Variants in NALF1 observed in about 807,000 individuals in gnomAD.
The protein encoded by NALF1 is NALCN channel auxiliary factor 1, also known as family with sequence similarity 155 member A.
In NALF1, 3 loss-of-function variants were observed where a neutral mutation model predicts 48.4. That is an observed-to-expected ratio of 0.06 (90% CI 0.03 to 0.16). The LOEUF is 0.16. Among genes scored for constraint, NALF1 ranks in the 10% least tolerant of loss-of-function variants. NALF1 has a pLI of 1.00. For missense variants in NALF1, 526 were observed against 571.5 expected, an observed-to-expected ratio of 0.92 and a Z score of 0.81; for synonymous variants, 262 against 245.7, an observed-to-expected ratio of 1.07 and a Z score of -0.62.
chr13:107,448,651 G>A (rs16970142), intron 1 of NALF1, among the ~76,000 whole-genome samples: 2,970 of 152,216 alleles, frequency 0.02, 102 homozygotes, highest in African/African-American at 0.068. Context: ...CATACAATGA[G>A]CAACTACTAT....
intron 1 of NALF1, among the ~76,000 whole-genome samples, chr13:107,301,221 G>C (rs1445915913): frequency 6.6e-6 from 1 of 152,088 alleles, no homozygotes; most frequent in African/African-American, 2.4e-5. Flanking sequence ...CTGTATTCCA[G>C]ATATAGCCTG....
At chr13:107,644,816 AACCACC>A (rs1240904412) in intron 1 of NALF1, among the ~76,000 whole-genome samples, 2 of 151,914 alleles carry the variant, frequency 1.3e-5, no homozygotes, top group Admixed American at 1.3e-4. Flanking sequence ...ACACCTCTGG[AACCACC>A]ACCCAGATCA....
intron 1 of NALF1, among the ~76,000 whole-genome samples, chr13:107,825,434 C>T (rs1879486839): frequency 6.6e-6 from 1 of 152,058 alleles, no homozygotes; most frequent in African/African-American, 2.4e-5. Context: ...TTTTAAAGAA[C>T]GGATGCATAA....
At chr13:107,371,444 T>C (rs1458870949) in intron 1 of NALF1, among the ~76,000 whole-genome samples, 2 of 135,820 alleles carry the variant, frequency 1.5e-5, no homozygotes, top group Non-Finnish European at 3.2e-5. Flanking sequence ...AGACCCTGTC[T>C]AAAAAATAAA....
chr13:107,643,618 G>C (rs1414541657), intron 1 of NALF1, among the ~76,000 whole-genome samples: 4 of 151,902 alleles, frequency 2.6e-5, no homozygotes, highest in African/African-American at 9.7e-5. Context: ...AAATAAAGGG[G>C]GAGGATTATT....
chr13:107,270,306 T>G (rs1881135002), intron 1 of NALF1, among the ~76,000 whole-genome samples: 1 of 152,144 alleles, frequency 6.6e-6, no homozygotes, highest in Non-Finnish European at 1.5e-5. Flanking sequence ...ATCTCATTTA[T>G]CAAGGCAATA....
At chr13:107,204,978 AT>A (rs1435064186) in intron 2 of NALF1, among the ~76,000 whole-genome samples, 1 of 151,634 alleles carries the variant, frequency 6.6e-6, no homozygotes, top group Non-Finnish European at 1.5e-5. Flanking sequence ...TTCTACTGAA[AT>A]TTTCCTCTAA....
chr13:107,498,089 T>C (rs1875397703), intron 1 of NALF1, among the ~76,000 whole-genome samples: 1 of 152,156 alleles, frequency 6.6e-6, no homozygotes, highest in African/African-American at 2.4e-5. Context: ...GATGAAATAT[T>C]GATTATCTAA....
chr13:107,636,348 C>G (rs111802257), intron 1 of NALF1, among the ~76,000 whole-genome samples: 126 of 152,196 alleles, frequency 8.3e-4, no homozygotes, highest in African/African-American at 2.8e-3. Flanking sequence ...TTAAAACAAA[C>G]ACAAATCGTT....
At chr13:107,312,395 G>A (rs1231099154) in intron 1 of NALF1, among the ~76,000 whole-genome samples, 1 of 151,988 alleles carries the variant, frequency 6.6e-6, no homozygotes, top group Non-Finnish European at 1.5e-5. Flanking sequence ...ACACAGGAAG[G>A]GGAACATCAC....
intron 1 of NALF1, among the ~76,000 whole-genome samples, chr13:107,313,671 T>C (rs529856651): frequency 1.8e-4 from 27 of 152,290 alleles, no homozygotes; most frequent in Admixed American, 3.9e-4. Context: ...AATATGCTTA[T>C]GTAAAAATGT....
In NALF1 at chr13:107,866,501, G is replaced by A; in HGVS notation, c.96C>T (p.Ser32=). The A allele has an allele frequency of 6.2e-7, 1 of 1,614,020 alleles. No individual in the cohort carries two copies. The highest frequency in any genetic ancestry group is 8.5e-7 in the Non-Finnish European group (1 of 1,180,020). The change falls in exon 1 of 3, where the codon TCC becomes TCT. Residue 32 remains serine, a synonymous_variant. Coordinates refer to ENST00000375915, the MANE Select transcript of NALF1 (RefSeq NM_001080396.3). This position sits in a 1 kb window ranked among gnomAD's most constrained non-coding sequence, Gnocchi z 4.4. ...ACAGTCGCCATTTCTGAGCCCTCTC[G>A]GAATCGATGAACGGTTTCTCGTTCT... is the stretch of plus-strand genomic sequence containing the variant. ...PRENEKPFID[S]ERAQKWRLSL...
In NALF1 at chr13:107,415,711, A is replaced by G. The variant is rs1286480292; in HGVS notation, c.916-204956T>C. On this transcript the variant is annotated intron_variant, in intron 1 of 2. Coordinates refer to ENST00000375915, the MANE Select transcript of NALF1 (RefSeq NM_001080396.3). ...GTTATCTGTCCTCTAGCTGTAAATA[A>G]ATAAGAAATTGGATAACCAATTTTG... 2.0e-5 allele frequency among the ~76,000 whole-genome samples: 3 copies of G among 152,314 alleles called. No homozygotes were observed. The East Asian group carries it at 5.8e-4, about 29-fold the overall frequency.
At chr13:107,325,889 C>CATATATATAT (rs71286085) in intron 1 of NALF1, among the ~76,000 whole-genome samples, 85 of 78,946 alleles carry the variant, frequency 1.1e-3, no homozygotes, top group Non-Finnish European at 1.8e-3. Context: ...TATATATATA[C>CATATATATAT]ACACACACAC....
At chr13:107,673,034 C>G (rs988435537) in intron 1 of NALF1, among the ~76,000 whole-genome samples, 1 of 152,162 alleles carries the variant, frequency 6.6e-6, no homozygotes, top group South Asian at 2.1e-4. Context: ...ACAGCAAATG[C>G]ACACCCATAT....
chr13:107,434,352 A>T (rs1163807625), intron 1 of NALF1, among the ~76,000 whole-genome samples: 3 of 152,078 alleles, frequency 2.0e-5, no homozygotes, highest in African/African-American at 7.2e-5. Context: ...ATTTCTCAGT[A>T]AGTGAAGTGG....
intron 1 of NALF1, among the ~76,000 whole-genome samples, chr13:107,699,321 CTG>C (rs1881766478): frequency 6.6e-6 from 1 of 152,016 alleles, no homozygotes; most frequent in African/African-American, 2.4e-5. Context: ...GAACTGGACT[CTG>C]TTTTGATAGA....
intron 1 of NALF1, among the ~76,000 whole-genome samples, chr13:107,579,585 C>CTTTT (rs1878244061): frequency 4.2e-5 from 2 of 48,074 alleles, no homozygotes; most frequent in African/African-American, 1.5e-4. Context: ...CAGTCTGATG[C>CTTTT]CTTTCTTTTC....
chr13:107,365,141 C>T (rs979376015), intron 1 of NALF1, among the ~76,000 whole-genome samples: 1 of 150,508 alleles, frequency 6.6e-6, no homozygotes, highest in Non-Finnish European at 1.5e-5. Flanking sequence ...CAAACAATTA[C>T]TAATAACAAG....
Sources: gnomAD v4.1 joint callset for allele counts (sites outside exome capture counted in the v4.1 genomes callset) on GRCh38, gnomAD v4.1.1 for gene constraint, Gnocchi (gnomAD v3.1) non-coding constraint, MANE v1.5 for transcripts, NCBI Gene and HGNC (gene_info 2026-07-23, HGNC 2026-07-21) for gene names.